Variants in LNX1 observed in about 807,000 individuals in gnomAD.
The protein encoded by LNX1 is E3 ubiquitin-protein ligase LNX.
A neutral mutation model predicts 68.4 loss-of-function variants in LNX1; 54 were observed. The ratio of observed to expected loss-of-function variants is 0.79; its 90% confidence interval spans 0.63 to 0.99. The LOEUF is 0.99. LNX1 is among the 50% of genes least tolerant of loss of function. LNX1 has a pLI of 0.00. For missense variants in LNX1, 906 were observed against 926.4 expected (o/e 0.98, Z 0.29); for synonymous variants, 336 against 350.0 (o/e 0.96, Z 0.45).
At chr4:53,557,986 T>C (rs762636435) in intron 2 of LNX1, 1 of 1,613,314 alleles carries the variant, frequency 6.2e-7, no homozygotes, top group Non-Finnish European at 8.5e-7. Flanking sequence ...GTGTGCTGCC[T>C]TCTCCCTGGC....
chr4:53,509,176 G>A (rs1392111574), intron 2 of LNX1, among the ~76,000 whole-genome samples: 4 of 152,230 alleles, frequency 2.6e-5, no homozygotes, highest in Non-Finnish European at 5.9e-5. Context: ...CTACTGTGGG[G>A]AGGGTAGCTA....
intron 6 of LNX1, among the ~76,000 whole-genome samples, chr4:53,494,938 T>G (rs755934216): frequency 8.5e-5 from 13 of 152,334 alleles, no homozygotes; most frequent in Middle Eastern, 3.4e-3. Flanking sequence ...ATAACATTCT[T>G]GAAATTCAAA....
At chr4:53,605,411 C>T (rs1733187701) in intron 2 of LNX1, among the ~76,000 whole-genome samples, 1 of 152,000 alleles carries the variant, frequency 6.6e-6, no homozygotes, top group South Asian at 2.1e-4. Flanking sequence ...TACATGGTAA[C>T]TACCTTGTGT....
At chr4:53,555,697 G>A (rs1477573957) in intron 2 of LNX1, among the ~76,000 whole-genome samples, 1 of 152,138 alleles carries the variant, frequency 6.6e-6, no homozygotes, top group African/African-American at 2.4e-5. Context: ...CAGCTGCACA[G>A]AATTCTCTCA....
In LNX1 at chr4:53,507,401, G is replaced by C. The variant is rs1344726488; in HGVS notation, c.691C>G (p.Leu231Val). 1 of 1,614,106 alleles carries C rather than the reference G, an allele frequency of 6.2e-7. No homozygotes were observed. ...GCACTCCCGCTCTTTGTCCTTCGAA[G>C]AACACTCAAAGCTCGATTTATTTTT... ...FKKINRALSV[L>V]RRTKSGSAVA... Residue 231 changes from leucine (L) to valine (V), a missense_variant, in exon 4 of 11, where the codon CTT becomes GTT. Transcript: ENST00000263925.
intron 9 of LNX1, among the ~76,000 whole-genome samples, chr4:53,471,621 C>CA (rs1156410877): frequency 6.6e-6 from 1 of 151,890 alleles, no homozygotes; most frequent in East Asian, 1.9e-4. Flanking sequence ...CCAGAATCTA[C>CA]AATGAACTCA....
intron 1 of LNX1, chr4:53,576,277 C>A: frequency 1.9e-6 from 3 of 1,612,062 alleles, no homozygotes; most frequent in Non-Finnish European, 2.5e-6. Context: ...GTTAGCATAC[C>A]GCTTCGAGGT....
chr4:53,581,640 A>C (rs1731845124), intron 1 of LNX1, among the ~76,000 whole-genome samples: 1 of 152,130 alleles, frequency 6.6e-6, no homozygotes, highest in East Asian at 1.9e-4. Flanking sequence ...CCCTTTATAA[A>C]ACCAACATAT....
At chr4:53,559,989 G>C (rs1730171624) in intron 2 of LNX1, among the ~76,000 whole-genome samples, 1 of 152,134 alleles carries the variant, frequency 6.6e-6, no homozygotes, top group Admixed American at 6.5e-5. Flanking sequence ...ATTAGCGATA[G>C]TGAATGAGCC....
chr4:53,534,094 T>C (rs1482502643), intron 2 of LNX1, among the ~76,000 whole-genome samples: 2 of 152,214 alleles, frequency 1.3e-5, no homozygotes, highest in Non-Finnish European at 2.9e-5. Context: ...ACTTTCATAA[T>C]AGGACCTATC....
intron 2 of LNX1, among the ~76,000 whole-genome samples, chr4:53,554,484 C>T (rs1359124448): frequency 6.6e-6 from 1 of 152,222 alleles, no homozygotes; most frequent in African/African-American, 2.4e-5. Flanking sequence ...TGCTTTCAGG[C>T]ATTATATATT....
intron 2 of LNX1, among the ~76,000 whole-genome samples, chr4:53,599,120 G>A (rs2117599): frequency 0.33 from 50,828 of 152,030 alleles, 8,733 homozygotes; most frequent in South Asian, 0.48. Context: ...TGTGAACCAG[G>A]GCAATTCATC....
intron 9 of LNX1, among the ~76,000 whole-genome samples, chr4:53,472,279 T>C (rs918250461): frequency 3.3e-5 from 5 of 152,086 alleles, no homozygotes; most frequent in African/African-American, 4.8e-5. Flanking sequence ...TAGGTGGGAA[T>C]TGAACAATGA....
At chr4:53,461,165 A>G in intron 10 of LNX1, 123 bp from the exon 11 acceptor site, 2 of 799,268 alleles carry the variant, frequency 2.5e-6, no homozygotes, top group Non-Finnish European at 3.8e-6. Context: ...TTAACTTCTA[A>G]TTGAGATATT....
intron 6 of LNX1, among the ~76,000 whole-genome samples, chr4:53,491,656 G>A (rs1410025493): frequency 7.9e-5 from 12 of 152,104 alleles, no homozygotes; most frequent in Non-Finnish European, 1.6e-4. Flanking sequence ...CCAATCCCTA[G>A]GAGATAAAGT....
intron 2 of LNX1, among the ~76,000 whole-genome samples, chr4:53,537,928 C>T (rs115982320): frequency 0.01 from 1,523 of 152,294 alleles, 27 homozygotes; most frequent in African/African-American, 0.034. Context: ...GCATCTGTAC[C>T]TCTCTGAGGA....
chr4:53,627,368 C>T (rs754239139), intron 1 of LNX1, among the ~76,000 whole-genome samples: 3 of 152,138 alleles, frequency 2.0e-5, no homozygotes, highest in South Asian at 2.1e-4. Flanking sequence ...GTAAGAAAAG[C>T]GCAGTCAAGT....
At chr4:53,615,474 G>A (rs1359912061) in intron 2 of LNX1, among the ~76,000 whole-genome samples, 3 of 152,136 alleles carry the variant, frequency 2.0e-5, no homozygotes, top group East Asian at 1.9e-4. Flanking sequence ...TAGCTCCCTC[G>A]TGTATGAGAG....
chr4:53,598,286 G>A (rs144794824), intron 2 of LNX1, among the ~76,000 whole-genome samples: 271 of 150,728 alleles, frequency 1.8e-3, no homozygotes, highest in Middle Eastern at 3.4e-3. Context: ...AGGCTGGAGT[G>A]CAGTGGCACA....
Sources: allele counts gnomAD v4.1 joint callset (sites outside exome capture counted in the v4.1 genomes callset), GRCh38; gene constraint gnomAD v4.1.1; transcripts MANE v1.5; gene names NCBI Gene and HGNC (gene_info 2026-07-23, HGNC 2026-07-21).